Variants in DNM3 observed in about 807,000 individuals in gnomAD.
DNM3 encodes the protein dynamin 3, also known as dynamin-3.
Under a neutral mutation model 101.6 loss-of-function variants are expected in DNM3, and 47 were observed. The ratio of observed to expected loss-of-function variants is 0.46; its 90% CI spans 0.37 to 0.59. DNM3 has a LOEUF of 0.59. Ranked by LOEUF, DNM3 falls within the 20% of genes least tolerant of loss-of-function variation. The pLI is 0.00. For missense variants in DNM3, 849 were observed against 1,085.7 expected (o/e 0.78, Z 3.06); for synonymous variants, 385 against 387.9 (o/e 0.99, Z 0.09).
chr1:171,973,763 A>G (rs913729085), intron 2 of DNM3, among the ~76,000 whole-genome samples: 2 of 151,586 alleles, frequency 1.3e-5, no homozygotes, highest in African/African-American at 2.4e-5. Flanking sequence ...TCCAGGGCTC[A>G]AGTGATGCTC....
intron 14 of DNM3, among the ~76,000 whole-genome samples, chr1:172,226,423 C>T (rs1170670834): frequency 1.3e-5 from 2 of 152,142 alleles, no homozygotes; most frequent in Non-Finnish European, 2.9e-5. Flanking sequence ...TGGATTCTGA[C>T]CAAATTTCCA....
intron 4 of DNM3, among the ~76,000 whole-genome samples, chr1:172,000,300 G>A (rs1400099965): frequency 6.6e-6 from 1 of 152,094 alleles, no homozygotes; most frequent in Non-Finnish European, 1.5e-5. Flanking sequence ...GTGGCTGAGA[G>A]ATAGAGGAGG....
chr1:171,935,070 A>G (rs187209972), intron 2 of DNM3, among the ~76,000 whole-genome samples: 1 of 152,250 alleles, frequency 6.6e-6, no homozygotes, highest in East Asian at 1.9e-4. Flanking sequence ...TGCATTTTTA[A>G]AAGAGAAAAC....
chr1:172,382,840 G>A (rs911461685), intron 18 of DNM3, among the ~76,000 whole-genome samples: 1 of 152,114 alleles, frequency 6.6e-6, no homozygotes, highest in Admixed American at 6.5e-5. Flanking sequence ...AACCAAATTT[G>A]AAACATAGAG....
chr1:172,128,663 T>C (rs538209810), intron 13 of DNM3, among the ~76,000 whole-genome samples: 16 of 152,354 alleles, frequency 1.1e-4, no homozygotes, highest in Admixed American at 2.0e-4. Context: ...CAGTGTTTAT[T>C]TGAACACTTA....
At chr1:172,283,318 G>C (rs1325633555) in intron 15 of DNM3, among the ~76,000 whole-genome samples, 2 of 151,998 alleles carry the variant, frequency 1.3e-5, no homozygotes, top group Non-Finnish European at 2.9e-5. Context: ...TCTTTATTTA[G>C]TTCCTAGAAC....
chr1:171,907,368 G>A (rs2038917994), intron 1 of DNM3, among the ~76,000 whole-genome samples: 1 of 152,172 alleles, frequency 6.6e-6, no homozygotes, highest in South Asian at 2.1e-4. Flanking sequence ...GTGCATGCCT[G>A]TAATCCCAGC....
intron 14 of DNM3, among the ~76,000 whole-genome samples, chr1:172,244,551 A>G (rs1341260508): frequency 6.6e-6 from 1 of 152,128 alleles, no homozygotes; most frequent in South Asian, 2.1e-4. Context: ...AAAGGACATG[A>G]ACAGACACTT....
At chr1:171,891,240 C>T (rs139775547) in intron 1 of DNM3, among the ~76,000 whole-genome samples, 40 of 151,866 alleles carry the variant, frequency 2.6e-4, no homozygotes, top group Admixed American at 8.5e-4. Flanking sequence ...ATTTGGCAGT[C>T]GTCCTATACA....
chr1:172,203,221 T>A (rs965169431), intron 14 of DNM3, among the ~76,000 whole-genome samples: 1 of 152,176 alleles, frequency 6.6e-6, no homozygotes, highest in Non-Finnish European at 1.5e-5. Context: ...TTGAGGTACC[T>A]CGTGTTCCCC....
At chr1:172,169,973 C>A (rs1045553814) in intron 14 of DNM3, among the ~76,000 whole-genome samples, 14 of 151,882 alleles carry the variant, frequency 9.2e-5, no homozygotes, top group Admixed American at 5.3e-4. Flanking sequence ...GCAAAGAAAT[C>A]CCTTGAAGCT....
At chr1:172,120,044 C>T (rs1453480575) in intron 13 of DNM3, among the ~76,000 whole-genome samples, 2 of 152,216 alleles carry the variant, frequency 1.3e-5, no homozygotes, top group African/African-American at 4.8e-5. Flanking sequence ...TCTCGAATCT[C>T]TTCACCAACC....
intron 14 of DNM3, among the ~76,000 whole-genome samples, chr1:172,218,732 A>G (rs946171854): frequency 6.6e-6 from 1 of 152,192 alleles, no homozygotes; most frequent in Admixed American, 6.5e-5. Flanking sequence ...AAGAGGTATT[A>G]TGAGTGAGCT....
intron 7 of DNM3, among the ~76,000 whole-genome samples, chr1:172,041,099 C>A (rs752114559): frequency 2.0e-5 from 3 of 152,110 alleles, no homozygotes; most frequent in African/African-American, 7.2e-5. Context: ...AGGGTGAGGT[C>A]TGACTTTGAC....
At chr1:172,236,945 T>C (rs531837212) in intron 14 of DNM3, among the ~76,000 whole-genome samples, 1 of 152,262 alleles carries the variant, frequency 6.6e-6, no homozygotes, top group African/African-American at 2.4e-5. Flanking sequence ...TCTTCCTCTA[T>C]CTCACTCATT....
chr1:172,263,796 A>G (rs2062757537), intron 15 of DNM3, among the ~76,000 whole-genome samples: 1 of 152,160 alleles, frequency 6.6e-6, no homozygotes, highest in Admixed American at 6.5e-5. Flanking sequence ...ACACAGCCAA[A>G]CCATATCATA....
chr1:172,029,233 T>A (rs1168929330), intron 4 of DNM3, among the ~76,000 whole-genome samples: 1 of 152,204 alleles, frequency 6.6e-6, no homozygotes, highest in African/African-American at 2.4e-5. Flanking sequence ...GCTTCATCCC[T>A]GGGATGCAAG....
intron 2 of DNM3, among the ~76,000 whole-genome samples, chr1:171,922,123 T>TTGTG (rs3051604): frequency 0.18 from 24,568 of 135,642 alleles, 2,063 homozygotes; most frequent in Non-Finnish European, 0.21. Flanking sequence ...TTGGTATGCT[T>TTGTG]TGTGTGTGTG....
intron 2 of DNM3, among the ~76,000 whole-genome samples, chr1:171,951,795 G>A (rs2042543201): frequency 6.6e-6 from 1 of 152,140 alleles, no homozygotes; most frequent in South Asian, 2.1e-4. Flanking sequence ...AATGACTATA[G>A]CGCAGGAAAC....
Sources: allele counts gnomAD v4.1 joint callset (sites outside exome capture counted in the v4.1 genomes callset), GRCh38; gene constraint gnomAD v4.1.1; transcripts MANE v1.5; gene names NCBI Gene and HGNC (gene_info 2026-07-23, HGNC 2026-07-21).